CCDC80: variants seen among roughly 807,000 people sequenced by gnomAD.
The protein encoded by CCDC80 is coiled-coil domain containing 80.
In CCDC80, 49 loss-of-function variants were observed where a neutral mutation model predicts 78.7. The observed-to-expected ratio is 0.62, with a 90% confidence interval of 0.50 to 0.79. The LOEUF (loss-of-function observed/expected upper bound fraction) is 0.79. Among genes scored for constraint, CCDC80 ranks in the 30% least tolerant of loss-of-function variants. The pLI, the probability that CCDC80 is intolerant of heterozygous loss-of-function variation, is 0.00. For missense variants in CCDC80, 1,205 were observed against 1,198.6 expected, an observed-to-expected ratio of 1.01 and a Z score of -0.08; for synonymous variants, 488 against 447.0, an observed-to-expected ratio of 1.09 and a Z score of -1.16.
At position 112,601,429 on chromosome 3, in the gene CCDC80, A is replaced by G. The variant is rs1293167658; in HGVS notation, c.*3988T>C. On this transcript the variant is annotated 3_prime_UTR_variant, in exon 8 of 8. Coordinates refer to ENST00000206423, the MANE Select transcript of CCDC80 (RefSeq NM_199511.3). ...CCCATTATTGTTAGAGGATGGTGCCATCATGATGCTAAATGCCTATCTGAG... is the reference window on the plus strand; with the variant it reads ...CCCATTATTGTTAGAGGATGGTGCCGTCATGATGCTAAATGCCTATCTGAG... 6.6e-6 allele frequency: 1 copy of G among 152,238 alleles called. No individual in the cohort carries two copies. The highest frequency in any genetic ancestry group is 1.5e-5 in the Non-Finnish European group (1 of 68,046). The allele number at this position is 152,238 out of a possible 1,614,324, so 9.4% of individuals were successfully genotyped here.
intron 2 of CCDC80, among the ~76,000 whole-genome samples, chr3:112,632,915 A>G (rs756047619): frequency 6.6e-6 from 1 of 152,112 alleles, no homozygotes; most frequent in Non-Finnish European, 1.5e-5. Context: ...CTAGAGCCAG[A>G]CCCAGTCTAA....
Position 112,639,834 on chromosome 3 carries a change from G to C in CCDC80, c.72C>G (p.His24Gln), listed in dbSNP as rs1361346339. Residue 24 changes from histidine to glutamine, a missense_variant, in exon 2 of 8, where the codon CAC becomes CAG. Transcript: ENST00000206423. Reference protein sequence around the residue: ...AMWLVCGSEPHPHATIRGSHG... With the variant: ...AMWLVCGSEPQPHATIRGSHG... ...GGCTGCCTCTAATAGTGGCATGGGG[G>C]TGGGGTTCTGATCCACACACTAGCC... 6.2e-7 allele frequency: 1 copy of C among 1,614,036 alleles called. No homozygotes were observed. The highest frequency in any genetic ancestry group is 8.5e-7 in the Non-Finnish European group (1 of 1,180,042).
intron 3 of CCDC80, among the ~76,000 whole-genome samples, chr3:112,628,896 C>A (rs1936034393): frequency 6.6e-6 from 1 of 152,082 alleles, no homozygotes; most frequent in Non-Finnish European, 1.5e-5. Context: ...CCTGAATCAG[C>A]TCTAGAGATC....
chr3:112,627,661 T>G (rs1936003846), intron 3 of CCDC80, among the ~76,000 whole-genome samples: 1 of 152,248 alleles, frequency 6.6e-6, no homozygotes, highest in African/African-American at 2.4e-5. Context: ...CCAATTCTTT[T>G]TATCCCATGG....
At chr3:112,627,802 A>G (rs1209265045) in intron 3 of CCDC80, among the ~76,000 whole-genome samples, 2 of 150,870 alleles carry the variant, frequency 1.3e-5, no homozygotes, top group East Asian at 4.0e-4. Context: ...CCCCAAAATC[A>G]GGTCCCGGCT....
rs141396783 is a variant in CCDC80, at chr3:112,638,710, G to T, written c.1196C>A (p.Thr399Asn). The T allele has an allele frequency of 1.9e-6, 3 of 1,613,902 alleles. No homozygotes were observed. Among genetic ancestry groups the T allele is most frequent in the African/African-American group, 1.3e-5 (1 of 74,886 alleles). Residue 399 changes from threonine to asparagine, a missense_variant, in exon 2 of 8, where the codon ACC becomes AAC. Transcript: ENST00000206423. Reference sequence around the variant, plus strand: ...TCTCCTGGCAGTGATCACCTCAGTGGTTGTAGGGGGCCTGTGGGAGGGTGA... The same window carrying T: ...TCTCCTGGCAGTGATCACCTCAGTGTTTGTAGGGGGCCTGTGGGAGGGTGA... ...TPSPSHRPPT[T>N]TEVITARRPS...
intron 4 of CCDC80, among the ~76,000 whole-genome samples, chr3:112,617,757 G>A (rs1935781582): frequency 6.6e-6 from 1 of 152,154 alleles, no homozygotes; most frequent in Admixed American, 6.5e-5. Context: ...ACTTTTTCAT[G>A]AACATTTTTT....
chr3:112,639,069 C>T lies in CCDC80; in HGVS notation c.837G>A (p.Gln279=). 1.2e-6 allele frequency: 2 copies of T among 1,613,224 alleles called. No individual in the cohort carries two copies. Among genetic ancestry groups the T allele is most frequent in the East Asian group, 2.2e-5 (1 of 44,874 alleles). Residue 279 remains glutamine, a synonymous_variant, in exon 2 of 8, where the codon CAG becomes CAA. Transcript: ENST00000206423. ...IEKIRQKGFV[Q]KCKASGVEGQ... ...CCTCTACACCAGAGGCCTTACATTT[C>T]TGGACAAAGCCCTTCTGCCTGATCT...
chr3:112,636,913 G>A (rs941238452), intron 2 of CCDC80, among the ~76,000 whole-genome samples: 4 of 152,162 alleles, frequency 2.6e-5, no homozygotes, highest in African/African-American at 9.6e-5. Flanking sequence ...TTGACAGCCT[G>A]GAGTAAAAAG....
At position 112,638,479 on chromosome 3, in the gene CCDC80, C is replaced by A; in HGVS notation, c.1427G>T (p.Arg476Leu). The A allele has an allele frequency of 6.2e-7, 1 of 1,613,668 alleles. No homozygotes were observed. Among genetic ancestry groups the A allele is most frequent in the Non-Finnish European group, 8.5e-7 (1 of 1,179,970 alleles). The stretch of plus-strand genomic sequence containing the variant: ...AGGACCTGGCACCACATTTGGGTCT[C>A]GGTGGCCATGTTCCCGCCTGTCCAT... ...NRMDRREHGH[R>L]DPNVVPGPPK... Residue 476 changes from arginine to leucine, a missense_variant, in exon 2 of 8, where the codon CGA becomes CTA. By Grantham distance (102) the Arg-to-Leu change is moderately radical. Transcript: ENST00000206423.
rs770164580 is a variant in CCDC80 at position 112,639,608 on chromosome 3, C to T, written c.298G>A (p.Ala100Thr). ...EPPARSDING[A>T]AVRPEQRPAA... The stretch of plus-strand genomic sequence containing the variant: ...GGTCTTTGCTCAGGTCTCACGGCGG[C>T]CCCATTGATGTCCGAGCGGGCTGGC... The change falls in exon 2 of 8, where the codon GCC becomes ACC. Residue 100 changes from alanine to threonine, a missense_variant. Coordinates refer to ENST00000206423, the MANE Select transcript of CCDC80 (RefSeq NM_199511.3). 279 of 1,614,166 alleles carry T rather than the reference C, an allele frequency of 1.7e-4. 1 individual carries two copies. The East Asian group carries it at 6.1e-3, about 35-fold the overall frequency.
In CCDC80 at chr3:112,602,710, A is replaced by G. The variant is rs1455518323; in HGVS notation, c.*2707T>C. 6.6e-6 allele frequency: 1 copy of G among 152,266 alleles called. No individual in the cohort carries two copies. Among genetic ancestry groups the G allele is most frequent in the East Asian group, 1.9e-4 (1 of 5,198 alleles). 9.4% of individuals were successfully genotyped at this position (152,266 alleles called of 1,614,324 possible). A position where few individuals can be genotyped will look rare whatever the true frequency, so the allele number is the denominator to read the frequency against. The stretch of plus-strand genomic sequence containing the variant: ...TATGAAAGCTAAAGGGAGGTGAGGA[A>G]GCTTCAGAAAAAAAGTTTGAAGGTA... On this transcript the variant is annotated 3_prime_UTR_variant, in exon 8 of 8. Transcript: ENST00000206423.
At chr3:112,619,199 C>A (rs866897873) in intron 3 of CCDC80, 95 bp from the exon 4 acceptor site, 4 of 1,166,948 alleles carry the variant, frequency 3.4e-6, no homozygotes, top group African/African-American at 3.2e-5. Context: ...ATCACACCAG[C>A]CTTCATTAGT....
chr3:112,597,977 T>C lies in CCDC80; in HGVS notation c.*7440A>G, dbSNP rs1935311057. ...GAATAGTATAAATACAATAAATGTT[T>C]GAATTATCGTATAACTTGAGTCTAA... On this transcript the variant is annotated 3_prime_UTR_variant, in exon 8 of 8. Coordinates refer to ENST00000206423, the MANE Select transcript of CCDC80 (RefSeq NM_199511.3). The C allele has an allele frequency of 6.6e-6, 1 of 152,206 alleles. No individual in the cohort carries two copies. The highest frequency in any genetic ancestry group is 1.5e-5 in the Non-Finnish European group (1 of 68,050). 9.4% of individuals were successfully genotyped at this position (152,206 alleles called of 1,614,324 possible). A position where few individuals can be genotyped will look rare whatever the true frequency, so the allele number is the denominator to read the frequency against.
Position 112,639,412 on chromosome 3 carries a change from C to G in CCDC80, c.494G>C (p.Arg165Pro). ...SAPHASEGYYRLMMSLLKDDV... is the reference protein window; with the variant it reads ...SAPHASEGYYPLMMSLLKDDV... ...GTCCTTCAGCAGGCTCATCATGAGG[C>G]GGTAGTAGCCTTCCGAGGCATGAGG... Residue 165 changes from arginine to proline, a missense_variant, in exon 2 of 8, where the codon CGC becomes CCC. Arg to Pro is a moderately radical substitution (Grantham distance 103, BLOSUM62 -2). Transcript: ENST00000206423. 1 of 1,614,172 alleles carries G rather than the reference C, an allele frequency of 6.2e-7. No individual in the cohort carries two copies.
At chr3:112,606,371 T>A (rs948541045) in intron 7 of CCDC80, among the ~76,000 whole-genome samples, 1 of 152,218 alleles carries the variant, frequency 6.6e-6, no homozygotes, top group African/African-American at 2.4e-5. Context: ...CTGGATTTGC[T>A]TTCTGAAAAC....
intron 7 of CCDC80, among the ~76,000 whole-genome samples, chr3:112,606,495 G>A (rs1935500532): frequency 6.6e-6 from 1 of 150,796 alleles, no homozygotes; most frequent in Non-Finnish European, 1.5e-5. Context: ...GTGTGATCTC[G>A]GCTCACCGCA....
intron 2 of CCDC80, among the ~76,000 whole-genome samples, chr3:112,635,638 T>G (rs565121626): frequency 6.6e-6 from 1 of 152,224 alleles, no homozygotes; most frequent in African/African-American, 2.4e-5. Flanking sequence ...GAAGACACAT[T>G]TCTGATATGA....
intron 1 of CCDC80, among the ~76,000 whole-genome samples, 190 bp downstream of exon 1, chr3:112,640,137 T>C (rs1458327959): frequency 1.3e-5 from 2 of 152,188 alleles, no homozygotes; most frequent in African/African-American, 2.4e-5. Context: ...CAGAGACAGT[T>C]ACATTAAGCA....
Sources: allele counts gnomAD v4.1 joint callset (sites outside exome capture counted in the v4.1 genomes callset), GRCh38; gene constraint gnomAD v4.1.1; transcripts MANE v1.5; gene names NCBI Gene and HGNC (gene_info 2026-07-23, HGNC 2026-07-21).